TIMM17A: variants seen among roughly 807,000 people sequenced by gnomAD.
The protein encoded by TIMM17A is mitochondrial import inner membrane translocase subunit Tim17-A.
Under a neutral mutation model 26.5 loss-of-function variants are expected in TIMM17A, and 15 were observed. That is an observed-to-expected ratio of 0.57 (90% CI 0.38 to 0.87). TIMM17A has a LOEUF of 0.87. Ranked by LOEUF, TIMM17A falls within the 40% of genes least tolerant of loss-of-function variation. The pLI is 0.00. For missense variants in TIMM17A, 201 were observed against 210.0 expected, an observed-to-expected ratio of 0.96 and a Z score of 0.27; for synonymous variants, 80 against 70.8, an observed-to-expected ratio of 1.13 and a Z score of -0.66.
intron 4 of TIMM17A, among the ~76,000 whole-genome samples, chr1:201,965,093 A>G (rs1369566048): frequency 2.0e-5 from 3 of 151,842 alleles, no homozygotes; most frequent in Non-Finnish European, 2.9e-5. Flanking sequence ...CTGGGACTAC[A>G]GGTGCCCGCC....
chr1:201,966,311 G>A (rs1005429067), intron 5 of TIMM17A, among the ~76,000 whole-genome samples: 17 of 151,322 alleles, frequency 1.1e-4, no homozygotes, highest in Admixed American at 9.9e-4. Flanking sequence ...GCAGTGAGCC[G>A]AGATCACACC....
chr1:201,968,321 G>A (rs1305190513), intron 5 of TIMM17A, among the ~76,000 whole-genome samples: 31 of 151,766 alleles, frequency 2.0e-4, no homozygotes, highest in Non-Finnish European at 8.8e-5. Context: ...AGTGAAAAAA[G>A]GTTAGACAGA....
intron 1 of TIMM17A, among the ~76,000 whole-genome samples, chr1:201,955,761 A>C (rs1423476128): frequency 6.6e-6 from 1 of 152,094 alleles, no homozygotes; most frequent in East Asian, 1.9e-4. Flanking sequence ...CCCTCTCCCA[A>C]CCCAGCACCC....
Position 201,963,756 on chromosome 1 carries a change from T to G in TIMM17A, c.319+12T>G. ...ACTGGCAGCAAGAAGTAAGTAGTCA[T>G]TACAGACATACTAGTAGAAGCCACA... is the stretch of plus-strand genomic sequence containing the variant. On this transcript the variant is annotated intron_variant, in intron 4 of 5. Coordinates refer to ENST00000367287, the MANE Select transcript of TIMM17A (RefSeq NM_006335.3). The G allele has an allele frequency of 6.3e-7, 1 of 1,587,828 alleles. No individual in the cohort carries two copies. The highest frequency in any genetic ancestry group is 8.5e-7 in the Non-Finnish European group (1 of 1,172,458).
intron 5 of TIMM17A, among the ~76,000 whole-genome samples, chr1:201,966,552 T>C (rs887059109): frequency 3.3e-5 from 5 of 151,406 alleles, no homozygotes; most frequent in African/African-American, 1.2e-4. Flanking sequence ...CAAAAAGATA[T>C]TGTGAGGTGG....
intron 3 of TIMM17A, chr1:201,957,861 G>C (rs536442402): frequency 3.3e-6 from 1 of 303,832 alleles, no homozygotes; most frequent in Non-Finnish European, 6.1e-6. Flanking sequence ...GTGTGAGGCC[G>C]GGCACGGGGC....
intron 1 of TIMM17A, 73 bp downstream of exon 1, chr1:201,955,625 C>T (rs974315998): frequency 4.4e-6 from 7 of 1,602,586 alleles, no homozygotes; most frequent in Non-Finnish European, 6.0e-6. Context: ...TGTCCAGGCT[C>T]CCAAGGTGCA....
chr1:201,970,060 T>C lies in TIMM17A; in HGVS notation c.*506T>C, dbSNP rs1202928712. 6.5e-6 allele frequency: 1 copy of C among 152,998 alleles called. No individual in the cohort carries two copies. Among genetic ancestry groups the C allele is most frequent in the East Asian group, 1.9e-4 (1 of 5,206 alleles). The allele number at this position is 152,998 out of a possible 1,614,324, so 9.5% of individuals were successfully genotyped here. A position where few individuals can be genotyped will look rare whatever the true frequency, so the allele number is the denominator to read the frequency against. On this transcript the variant is annotated 3_prime_UTR_variant, in exon 6 of 6. Coordinates refer to ENST00000367287, the MANE Select transcript of TIMM17A (RefSeq NM_006335.3). ...TTCTGAGAATTATGCAGAGTCAACA[T>C]GGATCATTTCACAGTGAGATGCTTT... is the stretch of plus-strand genomic sequence containing the variant.
intron 4 of TIMM17A, among the ~76,000 whole-genome samples, chr1:201,964,992 C>T (rs891463705): frequency 6.6e-6 from 1 of 151,666 alleles, no homozygotes; most frequent in Non-Finnish European, 1.5e-5. Flanking sequence ...TACTCTGTCA[C>T]CCAGGCTGGA....
At chr1:201,959,487 C>A (rs982905997) in intron 3 of TIMM17A, among the ~76,000 whole-genome samples, 3 of 151,062 alleles carry the variant, frequency 2.0e-5, no homozygotes, top group Non-Finnish European at 4.4e-5. Flanking sequence ...AACCCCATGT[C>A]TACTAAAAAT....
chr1:201,956,565 T>C (rs187184597), intron 1 of TIMM17A, among the ~76,000 whole-genome samples: 2 of 152,352 alleles, frequency 1.3e-5, no homozygotes, highest in South Asian at 2.1e-4. Context: ...TGGATTGTGC[T>C]CAGATATGTA....
intron 3 of TIMM17A, chr1:201,962,934 G>A (rs948529400): frequency 3.3e-5 from 5 of 152,228 alleles, no homozygotes; most frequent in African/African-American, 9.6e-5. Context: ...GGTAAGTAAA[G>A]CTATGAAAGA....
At chr1:201,965,798 G>C (rs1396091390) in intron 5 of TIMM17A, among the ~76,000 whole-genome samples, 1 of 152,172 alleles carries the variant, frequency 6.6e-6, no homozygotes, top group African/African-American at 2.4e-5. Flanking sequence ...AGAAATGTCT[G>C]ATCATTTTAA....
intron 3 of TIMM17A, chr1:201,963,162 G>A (rs41299611): frequency 0.1 from 15,755 of 156,260 alleles, 880 homozygotes; most frequent in Middle Eastern, 0.18. Context: ...TGCAACCTCC[G>A]CCTCCTGGGT....
At chr1:201,958,815 C>T (rs1364843346) in intron 3 of TIMM17A, among the ~76,000 whole-genome samples, 2 of 152,170 alleles carry the variant, frequency 1.3e-5, no homozygotes, top group Admixed American at 1.3e-4. Context: ...ATAATCTTCT[C>T]TTTGCTTTTC....
intron 3 of TIMM17A, 125 bp downstream of exon 3, chr1:201,957,699 T>C (rs551587651): frequency 1.4e-6 from 1 of 732,840 alleles, no homozygotes; most frequent in African/African-American, 1.8e-5. Flanking sequence ...CACAAACATA[T>C]ATCCCTATAG....
chr1:201,963,692 C>G lies in TIMM17A; in HGVS notation c.267C>G (p.Pro89=). 1 of 1,611,908 alleles carries G rather than the reference C, an allele frequency of 6.2e-7. No homozygotes were observed. The highest frequency in any genetic ancestry group is 8.5e-7 in the Non-Finnish European group (1 of 1,179,466). ...TTCAAGTCAGAGGAAAGGAAGATCCCTGGAACTCCATCACAAGTGGTGCCT... is the reference window on the plus strand; with the variant it reads ...TTCAAGTCAGAGGAAAGGAAGATCCGTGGAACTCCATCACAAGTGGTGCCT... The part of the protein sequence containing the change: ...SMVQVRGKED[P]WNSITSGALT... The change falls in exon 4 of 6, where the codon CCC becomes CCG. Residue 89 remains proline, a synonymous_variant. Coordinates refer to ENST00000367287, the MANE Select transcript of TIMM17A (RefSeq NM_006335.3).
At chr1:201,967,705 G>T (rs1165471697) in intron 5 of TIMM17A, among the ~76,000 whole-genome samples, 1 of 151,512 alleles carries the variant, frequency 6.6e-6, no homozygotes, top group African/African-American at 2.4e-5. Flanking sequence ...GCTATGCCCG[G>T]CTAATTTTTA....
At position 201,959,907 on chromosome 1, in the gene TIMM17A, A is replaced by G. The variant is rs117866450; in HGVS notation, c.190+2333A>G. ...TCCCGGCTCCTTGGGAGGCTGAGGC[A>G]CAAGAATGGCTGAACCCGGGAGGCG... On this transcript the variant is annotated intron_variant, in intron 3 of 5. Transcript: ENST00000367287. 6.0e-4 allele frequency among the ~76,000 whole-genome samples: 92 copies of G among 152,168 alleles called. 2 individuals are homozygous for G. In the East Asian group the frequency reaches 0.017, roughly 28 times the overall value.
Sources: allele counts gnomAD v4.1 joint callset (sites outside exome capture counted in the v4.1 genomes callset), GRCh38; gene constraint gnomAD v4.1.1; transcripts MANE v1.5; gene names NCBI Gene and HGNC (gene_info 2026-07-23, HGNC 2026-07-21).